The following RSU1 variants were observed in gnomAD, a reference collection of about 807,000 sequenced individuals.
The protein encoded by RSU1 is rsu-1.
A neutral mutation model predicts 31.1 loss-of-function variants in RSU1; 26 were observed. The ratio of observed to expected loss-of-function variants is 0.84; its 90% CI spans 0.61 to 1.16. The LOEUF is 1.16. RSU1 is among the 50% of genes most tolerant of loss of function. RSU1 has a pLI of 0.00. For missense variants in RSU1, 320 were observed against 339.1 expected (o/e 0.94, Z 0.44); for synonymous variants, 164 against 136.3 (o/e 1.20, Z -1.41).
chr10:16,656,095 A>C (rs1834771780), intron 8 of RSU1, among the ~76,000 whole-genome samples: 1 of 152,200 alleles, frequency 6.6e-6, no homozygotes, highest in Non-Finnish European at 1.5e-5. Context: ...TGTTAGAAAA[A>C]AATAAATTAG....
chr10:16,785,279 A>G (rs1837750468), intron 2 of RSU1, among the ~76,000 whole-genome samples: 1 of 151,978 alleles, frequency 6.6e-6, no homozygotes, highest in African/African-American at 2.4e-5. Context: ...TTGGACTCCA[A>G]GTTCTTCACC....
At chr10:16,743,549 T>G (rs962844133) in intron 7 of RSU1, among the ~76,000 whole-genome samples, 1 of 152,170 alleles carries the variant, frequency 6.6e-6, no homozygotes, top group African/African-American at 2.4e-5. Flanking sequence ...TAGTGATCAA[T>G]TGACAAAGTC....
intron 7 of RSU1, among the ~76,000 whole-genome samples, chr10:16,716,682 A>G (rs1836147985): frequency 6.6e-6 from 1 of 152,194 alleles, no homozygotes; most frequent in African/African-American, 2.4e-5. Context: ...TACACTATTG[A>G]TAACATTACT....
At chr10:16,761,402 G>A (rs1837209305) in intron 4 of RSU1, among the ~76,000 whole-genome samples, 2 of 152,190 alleles carry the variant, frequency 1.3e-5, no homozygotes, top group African/African-American at 2.4e-5. Context: ...TACATGGTAA[G>A]GAACTTGGTA....
intron 7 of RSU1, among the ~76,000 whole-genome samples, chr10:16,702,378 C>A (rs558141297): frequency 2.0e-5 from 3 of 152,354 alleles, no homozygotes; most frequent in African/African-American, 7.2e-5. Context: ...CACTGACAGG[C>A]TGAACCCTGC....
At chr10:16,814,889 G>A (rs1441047946) in intron 2 of RSU1, among the ~76,000 whole-genome samples, 4 of 152,200 alleles carry the variant, frequency 2.6e-5, no homozygotes, top group African/African-American at 7.2e-5. Context: ...GAGCTGAACC[G>A]AAATAGCTAA....
intron 7 of RSU1, among the ~76,000 whole-genome samples, chr10:16,738,458 A>G (rs1317113125): frequency 6.6e-6 from 1 of 152,204 alleles, no homozygotes; most frequent in South Asian, 2.1e-4. Flanking sequence ...CTCAAAAAAA[A>G]AGAAGAAAAA....
intron 4 of RSU1, among the ~76,000 whole-genome samples, chr10:16,757,035 G>T (rs1435767296): frequency 6.7e-6 from 1 of 149,214 alleles, no homozygotes; most frequent in Admixed American, 6.7e-5. Flanking sequence ...CGCAGTGTGT[G>T]TGTGGTGTGT....
chr10:16,816,442 T>C (rs1017093911), intron 2 of RSU1, among the ~76,000 whole-genome samples: 6 of 152,132 alleles, frequency 3.9e-5, no homozygotes, highest in African/African-American at 1.4e-4. Flanking sequence ...GCAGTGAAAC[T>C]GAAGGCAAGA....
intron 2 of RSU1, among the ~76,000 whole-genome samples, chr10:16,804,588 G>C (rs1188382595): frequency 6.6e-6 from 1 of 152,182 alleles, no homozygotes; most frequent in Non-Finnish European, 1.5e-5. Context: ...TAGGTGAATG[G>C]ATAACCAAAC....
intron 7 of RSU1, among the ~76,000 whole-genome samples, chr10:16,698,145 C>T (rs752846713): frequency 2.0e-5 from 3 of 151,714 alleles, no homozygotes; most frequent in Non-Finnish European, 2.9e-5. Flanking sequence ...GGAAAGGATC[C>T]GGGAAGGATG....
chr10:16,628,916 T>A (rs914840607), intron 8 of RSU1, among the ~76,000 whole-genome samples: 1 of 152,146 alleles, frequency 6.6e-6, no homozygotes, highest in Non-Finnish European at 1.5e-5. Flanking sequence ...AGCAGCAAGG[T>A]CCATGAAGAG....
Position 16,619,775 on chromosome 10 carries a change from C to A in RSU1, c.732-26279G>T, listed in dbSNP as rs562108761. On this transcript the variant is annotated intron_variant, in intron 8 of 8. Transcript: ENST00000345264. Reference sequence around the variant, plus strand: ...TCTATCTCCCTTCACTTTTAACTTACAAATTTCATTTTCCAAAGAAGTAAA... The same window carrying A: ...TCTATCTCCCTTCACTTTTAACTTAAAAATTTCATTTTCCAAAGAAGTAAA... Among the ~76,000 whole-genome samples, 7 of 152,322 alleles carry A rather than the reference C, an allele frequency of 4.6e-5. 1 individual carries two copies. The highest frequency in any genetic ancestry group is 1.7e-4 in the African/African-American group (7 of 41,568).
At chr10:16,755,880 G>C (rs1837074753) in intron 4 of RSU1, among the ~76,000 whole-genome samples, 1 of 152,162 alleles carries the variant, frequency 6.6e-6, no homozygotes, top group Non-Finnish European at 1.5e-5. Flanking sequence ...CAGTCAGACA[G>C]CTTACATGAT....
At chr10:16,776,118 T>C (rs924752901) in intron 3 of RSU1, among the ~76,000 whole-genome samples, 1 of 152,246 alleles carries the variant, frequency 6.6e-6, no homozygotes, top group African/African-American at 2.4e-5. Flanking sequence ...GTGGTGAAGG[T>C]CGTCCTCAGG....
At chr10:16,786,255 TTGCTATTTTAGCTG>T (rs1485605739) in intron 2 of RSU1, among the ~76,000 whole-genome samples, 2 of 152,246 alleles carry the variant, frequency 1.3e-5, no homozygotes, top group Non-Finnish European at 2.9e-5. Context: ...GCTTTGCAGC[TTGCTATTTTAGCTG>T]ACGGGTTATA....
rs546681492 is a variant in RSU1 at position 16,704,327 on chromosome 10, A to C, written c.599-9172T>G. Among the ~76,000 whole-genome samples, 7 of 152,302 alleles carry C rather than the reference A, an allele frequency of 4.6e-5. No homozygotes were observed. In the South Asian group the frequency reaches 1.0e-3, roughly 23 times the overall value. ...ATACATTATTCCAGGGTGTCACAAT[A>C]ATCTTGCATGGAAGGCATTATTATG... On this transcript the variant is annotated intron_variant, in intron 7 of 8. Transcript: ENST00000345264.
chr10:16,741,438 A>G (rs927090524), intron 7 of RSU1, among the ~76,000 whole-genome samples: 1 of 152,220 alleles, frequency 6.6e-6, no homozygotes, highest in Non-Finnish European at 1.5e-5. Context: ...ACGATGTTCT[A>G]AAGTTGTGGT....
At chr10:16,714,287 C>G (rs1177072936) in intron 7 of RSU1, among the ~76,000 whole-genome samples, 1 of 152,158 alleles carries the variant, frequency 6.6e-6, no homozygotes, top group African/African-American at 2.4e-5. Context: ...AGGAGTCTGT[C>G]TAGAGGAGCA....
Sources: gnomAD v4.1 joint callset for allele counts (sites outside exome capture counted in the v4.1 genomes callset) on GRCh38, gnomAD v4.1.1 for gene constraint, MANE v1.5 for transcripts, NCBI Gene and HGNC (gene_info 2026-07-23, HGNC 2026-07-21) for gene names.